PTPN12: variants seen among roughly 807,000 people sequenced by gnomAD.
PTPN12 encodes tyrosine-protein phosphatase non-receptor type 12.
In PTPN12, 29 loss-of-function variants were observed where a neutral mutation model predicts 97.6. The ratio of observed to expected loss-of-function variants is 0.30; its 90% confidence interval spans 0.22 to 0.41. The LOEUF (loss-of-function observed/expected upper bound fraction) is 0.41. Ranked by LOEUF, PTPN12 falls within the 10% of genes least tolerant of loss-of-function variation. PTPN12 has a pLI of 1.00. For missense variants in PTPN12, 819 were observed against 926.0 expected (o/e 0.88, Z 1.50); for synonymous variants, 327 against 300.4 (o/e 1.09, Z -0.91).
chr7:77,624,783 C>T (rs964862744), intron 12 of PTPN12, among the ~76,000 whole-genome samples: 1 of 152,004 alleles, frequency 6.6e-6, no homozygotes, highest in Non-Finnish European at 1.5e-5. Flanking sequence ...CATGTGATTA[C>T]TGCCAGTTAT....
At chr7:77,611,243 A>C (rs975849520) in intron 11 of PTPN12, among the ~76,000 whole-genome samples, 197 bp downstream of exon 11, 3 of 152,222 alleles carry the variant, frequency 2.0e-5, no homozygotes, top group Non-Finnish European at 4.4e-5. Context: ...GATATAAGGT[A>C]AATTATGTTC....
intron 1 of PTPN12, among the ~76,000 whole-genome samples, chr7:77,547,751 C>A (rs1044410479): frequency 5.9e-5 from 9 of 152,298 alleles, no homozygotes; most frequent in East Asian, 5.8e-4. Context: ...AAAGATGCTA[C>A]ATTTGAGCTG....
rs1789723726 is a variant in PTPN12 at position 77,639,508 on chromosome 7, C to G, written c.*228C>G. ...ATTATTGCCTTAATGTCTCTTAACC[C>G]TGTTACACGCTGCTTGTAGACATGT... On this transcript the variant is annotated 3_prime_UTR_variant, in exon 18 of 18. Transcript: ENST00000248594. 6 of 472,936 alleles carry G rather than the reference C, an allele frequency of 1.3e-5. No individual in the cohort carries two copies. In the East Asian group the frequency reaches 1.6e-4, roughly 13 times the overall value. The allele number at this position is 472,936 out of a possible 1,614,324, so 29.3% of individuals were successfully genotyped here.
intron 11 of PTPN12, among the ~76,000 whole-genome samples, chr7:77,617,862 G>A (rs1788805429): frequency 6.6e-6 from 1 of 152,138 alleles, no homozygotes; most frequent in Non-Finnish European, 1.5e-5. Context: ...CTTGTGACCA[G>A]CAAGAACCAA....
At chr7:77,607,323 A>AT (rs1788406942) in intron 9 of PTPN12, 22 bp downstream of exon 9, 1 of 1,468,610 alleles carries the variant, frequency 6.8e-7, no homozygotes, top group Non-Finnish European at 9.5e-7. Flanking sequence ...TTTTTGTAGC[A>AT]TTATGTTCAA....
chr7:77,595,853 A>G (rs896224247), intron 6 of PTPN12, among the ~76,000 whole-genome samples: 1 of 152,200 alleles, frequency 6.6e-6, no homozygotes, highest in Non-Finnish European at 1.5e-5. Context: ...CAAAAAGAAT[A>G]ATTTGCTTAG....
chr7:77,636,269 C>T (rs1270106198), intron 15 of PTPN12, among the ~76,000 whole-genome samples: 1 of 151,584 alleles, frequency 6.6e-6, no homozygotes, highest in African/African-American at 2.4e-5. Context: ...CTTTGACATT[C>T]GAGAAATGTT....
chr7:77,574,438 T>C (rs1041867485), intron 2 of PTPN12, among the ~76,000 whole-genome samples: 4 of 152,238 alleles, frequency 2.6e-5, no homozygotes, highest in Admixed American at 1.3e-4. Context: ...AAAAAGCTTG[T>C]CACACAGTTA....
At chr7:77,588,997 C>A (rs563877174) in intron 5 of PTPN12, among the ~76,000 whole-genome samples, 1 of 152,024 alleles carries the variant, frequency 6.6e-6, no homozygotes, top group Admixed American at 6.6e-5. Context: ...CTCAGCCTCC[C>A]GAGTAGCTGG....
chr7:77,637,856 T>C (rs1341592289), intron 16 of PTPN12, among the ~76,000 whole-genome samples: 1 of 29,482 alleles, frequency 3.4e-5, no homozygotes, highest in Non-Finnish European at 4.9e-5. Flanking sequence ...AAACTCCGTC[T>C]CAAAAAAAAA....
At chr7:77,594,271 G>A (rs1562735683) in intron 6 of PTPN12, among the ~76,000 whole-genome samples, 2 of 152,024 alleles carry the variant, frequency 1.3e-5, no homozygotes, top group Non-Finnish European at 2.9e-5. Flanking sequence ...AGACAAGCCC[G>A]GGCAAAATAG....
chr7:77,611,137 C>CT, intron 11 of PTPN12, 91 bp downstream of exon 11: 1 of 972,812 alleles, frequency 1.0e-6, no homozygotes, highest in Non-Finnish European at 1.6e-6. Flanking sequence ...TGTGTTTTGT[C>CT]TAACATGAGA....
At chr7:77,588,221 T>C (rs1161503837) in intron 5 of PTPN12, among the ~76,000 whole-genome samples, 2 of 152,240 alleles carry the variant, frequency 1.3e-5, no homozygotes, top group East Asian at 1.9e-4. Flanking sequence ...CTAAGCTTAA[T>C]CATTTTTAGC....
At chr7:77,567,765 C>G (rs1808321143) in intron 1 of PTPN12, among the ~76,000 whole-genome samples, 1 of 152,146 alleles carries the variant, frequency 6.6e-6, no homozygotes, top group African/African-American at 2.4e-5. Context: ...AGAAATAAAT[C>G]TGAAGTAACA....
intron 6 of PTPN12, among the ~76,000 whole-genome samples, chr7:77,593,827 C>T (rs1787941456): frequency 6.6e-6 from 1 of 152,220 alleles, no homozygotes; most frequent in African/African-American, 2.4e-5. Context: ...TTAAATATCA[C>T]ATTCCTTATT....
chr7:77,635,725 G>A (rs1411096975), intron 14 of PTPN12, 57 bp from the exon 15 acceptor site: 23 of 1,124,282 alleles, frequency 2.0e-5, no homozygotes, highest in Non-Finnish European at 1.2e-6. Context: ...TTACTTTAAT[G>A]CAAAGAAATT....
At chr7:77,537,725 C>G (rs1806724874) in intron 1 of PTPN12, 80 bp downstream of exon 1, 5 of 1,448,984 alleles carry the variant, frequency 3.5e-6, no homozygotes, top group African/African-American at 1.5e-5. Flanking sequence ...GCCGCCAGTG[C>G]TTTGTGTACC....
chr7:77,609,005 A>T (rs1562746210), intron 9 of PTPN12, among the ~76,000 whole-genome samples: 1 of 152,120 alleles, frequency 6.6e-6, no homozygotes, highest in Admixed American at 6.5e-5. Flanking sequence ...GGATCACCTG[A>T]GGTCAGGAGT....
At chr7:77,622,378 G>A (rs1160160297) in intron 12 of PTPN12, among the ~76,000 whole-genome samples, 1 of 152,080 alleles carries the variant, frequency 6.6e-6, no homozygotes, top group Non-Finnish European at 1.5e-5. Context: ...TGAAAAAGAT[G>A]GGGGAAAAAA....
Sources: allele counts gnomAD v4.1 joint callset (sites outside exome capture counted in the v4.1 genomes callset), GRCh38; gene constraint gnomAD v4.1.1; transcripts MANE v1.5; gene names NCBI Gene and HGNC (gene_info 2026-07-23, HGNC 2026-07-21).